The following FGF14 variants were observed in gnomAD, a reference collection of about 807,000 sequenced individuals.
The protein encoded by FGF14 is fibroblast growth factor homologous factor 4.
Under a neutral mutation model 25.5 loss-of-function variants are expected in FGF14, and 5 were observed. The observed-to-expected ratio is 0.20, with a 90% CI of 0.10 to 0.41. The LOEUF (loss-of-function observed/expected upper bound fraction) is 0.41. FGF14 is among the 10% of genes least tolerant of loss of function. The pLI is 1.00. For missense variants in FGF14, 222 were observed against 320.1 expected (o/e 0.69, Z 2.34); for synonymous variants, 138 against 118.3 (o/e 1.17, Z -1.08).
intron 1 of FGF14, among the ~76,000 whole-genome samples, chr13:102,356,238 C>T (rs577250369): frequency 6.6e-6 from 1 of 152,186 alleles, no homozygotes; most frequent in African/African-American, 2.4e-5. Context: ...ACCCAGAAAA[C>T]ATCACTTCTT....
chr13:102,072,837 T>G (rs2043206327), intron 1 of FGF14, among the ~76,000 whole-genome samples: 1 of 152,192 alleles, frequency 6.6e-6, no homozygotes. Context: ...ATCAAATGTC[T>G]TACTGGAGGA....
intron 1 of FGF14, among the ~76,000 whole-genome samples, chr13:102,036,694 T>G (rs1394006468): frequency 1.3e-5 from 2 of 151,058 alleles, no homozygotes; most frequent in Non-Finnish European, 1.5e-5. Flanking sequence ...AGGAGGAGGA[T>G]GAGGAGGAGG....
intron 1 of FGF14, among the ~76,000 whole-genome samples, chr13:102,390,609 A>C (rs750241022): frequency 9.9e-5 from 15 of 152,202 alleles, no homozygotes; most frequent in Non-Finnish European, 1.9e-4. Context: ...TAACTTCCTT[A>C]ATCTTTTCAT....
intron 1 of FGF14, among the ~76,000 whole-genome samples, chr13:102,038,656 T>A (rs2139982755): frequency 6.6e-6 from 1 of 152,264 alleles, no homozygotes; most frequent in East Asian, 1.9e-4. Flanking sequence ...TTGTATTTGC[T>A]ATATGCATTG....
At chr13:102,103,663 T>C (rs79773536) in intron 1 of FGF14, among the ~76,000 whole-genome samples, 271 of 152,310 alleles carry the variant, frequency 1.8e-3, no homozygotes, top group African/African-American at 6.4e-3. Context: ...TCAATAATAA[T>C]GTGCATTTTA....
At chr13:101,993,707 T>C (rs2039028625) in intron 1 of FGF14, among the ~76,000 whole-genome samples, 2 of 151,974 alleles carry the variant, frequency 1.3e-5, no homozygotes, top group Admixed American at 6.6e-5. Context: ...GAAGTACAAT[T>C]GATAATCTCA....
At chr13:102,055,092 C>T (rs932708347) in intron 1 of FGF14, among the ~76,000 whole-genome samples, 1 of 152,182 alleles carries the variant, frequency 6.6e-6, no homozygotes, top group Admixed American at 6.5e-5. Flanking sequence ...AAAGACTTAG[C>T]CAGTTCCTTA....
intron 1 of FGF14, among the ~76,000 whole-genome samples, chr13:101,936,200 C>T (rs1286633197): frequency 5.3e-5 from 8 of 152,198 alleles, no homozygotes; most frequent in Non-Finnish European, 2.9e-5. Context: ...TGTTTGCAGT[C>T]TGCTGAGACC....
At chr13:102,364,312 C>T (rs182365469) in intron 1 of FGF14, among the ~76,000 whole-genome samples, 2 of 152,356 alleles carry the variant, frequency 1.3e-5, no homozygotes, top group Admixed American at 6.5e-5. Flanking sequence ...TAGCATGACA[C>T]TACTTTCATT....
chr13:102,100,423 T>C (rs1315897692), intron 1 of FGF14, among the ~76,000 whole-genome samples: 1 of 152,156 alleles, frequency 6.6e-6, no homozygotes, highest in Non-Finnish European at 1.5e-5. Context: ...GAGGCTGACC[T>C]GCAATAGCAG....
chr13:102,084,288 C>T (rs1428758202), intron 1 of FGF14, among the ~76,000 whole-genome samples: 1 of 152,088 alleles, frequency 6.6e-6, no homozygotes, highest in East Asian at 1.9e-4. Context: ...ATTATTCTTG[C>T]CCTACTAGAA....
chr13:102,255,175 T>C (rs1471220065), intron 1 of FGF14, among the ~76,000 whole-genome samples: 1 of 152,208 alleles, frequency 6.6e-6, no homozygotes, highest in Non-Finnish European at 1.5e-5. Context: ...TAAATTATTC[T>C]TCTATATTCT....
At chr13:101,891,287 G>A (rs1309592574) in intron 1 of FGF14, among the ~76,000 whole-genome samples, 1 of 152,070 alleles carries the variant, frequency 6.6e-6, no homozygotes, top group Non-Finnish European at 1.5e-5. Flanking sequence ...GGCCTTCCCT[G>A]TCTCCAGTTG....
intron 1 of FGF14, among the ~76,000 whole-genome samples, chr13:102,149,759 C>G (rs927103041): frequency 6.6e-6 from 1 of 152,176 alleles, no homozygotes; most frequent in Non-Finnish European, 1.5e-5. Flanking sequence ...AAGAGCAGCC[C>G]AGGGCAGAGC....
chr13:101,745,399 G>T (rs1284976796), intron 3 of FGF14, among the ~76,000 whole-genome samples: 1 of 151,984 alleles, frequency 6.6e-6, no homozygotes. Flanking sequence ...TTCACTTTGG[G>T]TGCTGTACAT....
intron 1 of FGF14, chr13:102,366,670 C>T (rs969548321): frequency 1.3e-4 from 19 of 149,286 alleles, no homozygotes; most frequent in African/African-American, 4.7e-4. Context: ...CTGTCTTCCT[C>T]CTGACAGTAA....
intron 3 of FGF14, among the ~76,000 whole-genome samples, chr13:101,781,435 G>A (rs1413576681): frequency 6.6e-6 from 1 of 152,148 alleles, no homozygotes; most frequent in African/African-American, 2.4e-5. Context: ...ATGAATACAT[G>A]AGTGTCATAC....
At chr13:101,994,496 G>C (rs2039077230) in intron 1 of FGF14, among the ~76,000 whole-genome samples, 1 of 151,880 alleles carries the variant, frequency 6.6e-6, no homozygotes, top group African/African-American at 2.4e-5. Flanking sequence ...GACTTTTTGT[G>C]TGTAATGCTG....
At chr13:101,820,791 CACACACACACACACAACA>C (rs1566940624) in intron 3 of FGF14, among the ~76,000 whole-genome samples, 14 of 35,682 alleles carry the variant, frequency 3.9e-4, no homozygotes, top group Middle Eastern at 0.016. Flanking sequence ...CACACACACA[CACACACACACACACAACA>C]CACACACACA....
Sources: allele counts gnomAD v4.1 joint callset (sites outside exome capture counted in the v4.1 genomes callset), GRCh38; gene constraint gnomAD v4.1.1; transcripts MANE v1.5; gene names NCBI Gene and HGNC (gene_info 2026-07-23, HGNC 2026-07-21).